Variants in RBFOX1 observed in about 807,000 individuals in gnomAD.
The protein encoded by RBFOX1 is RNA binding fox-1 homolog 1.
In RBFOX1, 8 loss-of-function variants were observed where a neutral mutation model predicts 57.7. The ratio of observed to expected loss-of-function variants is 0.14; its 90% CI spans 0.08 to 0.25. The LOEUF is 0.25. Among genes scored for constraint, RBFOX1 ranks in the 10% least tolerant of loss-of-function variants. RBFOX1 has a pLI of 1.00. For synonymous variants in RBFOX1, 326 were observed against 222.4 expected (o/e 1.47, Z -4.15); for missense variants, 611 against 548.5 (o/e 1.11, Z -1.14).
At chr16:6,943,226 C>T (rs187819298) in intron 3 of RBFOX1, among the ~76,000 whole-genome samples, 15 of 152,260 alleles carry the variant, frequency 9.9e-5, no homozygotes, top group African/African-American at 3.1e-4. Flanking sequence ...GGTTATAGAG[C>T]CCTCAAGAGA....
intron 15 of RBFOX1, chr16:7,710,233 G>T (rs1335600393): frequency 5.7e-6 from 6 of 1,057,232 alleles, no homozygotes; most frequent in Non-Finnish European, 6.8e-6. Flanking sequence ...CAACAACTCT[G>T]CTTCAACACC....
chr16:6,625,118 T>C (rs1167281421), intron 2 of RBFOX1, among the ~76,000 whole-genome samples: 1 of 125,152 alleles, frequency 8.0e-6, no homozygotes, highest in African/African-American at 3.1e-5. Context: ...TGAGTCAAGA[T>C]CGTGCCATTG....
At chr16:7,463,043 T>C (rs1005346968) in intron 4 of RBFOX1, among the ~76,000 whole-genome samples, 1 of 152,196 alleles carries the variant, frequency 6.6e-6, no homozygotes, top group Non-Finnish European at 1.5e-5. Context: ...GGTTGGCTTA[T>C]CAACAACAGA....
intron 4 of RBFOX1, among the ~76,000 whole-genome samples, chr16:7,416,688 A>T (rs1457414165): frequency 1.3e-5 from 2 of 152,122 alleles, no homozygotes; most frequent in Non-Finnish European, 2.9e-5. Context: ...TTAATCTCTG[A>T]GAAAATATTA....
At chr16:5,328,353 C>A (rs1035659438) in intron 1 of RBFOX1, among the ~76,000 whole-genome samples, 1 of 152,186 alleles carries the variant, frequency 6.6e-6, no homozygotes, top group East Asian at 1.9e-4. Context: ...AGCCAGGAGA[C>A]GCTCTGACCT....
At chr16:6,671,926 G>C (rs1192317475) in intron 3 of RBFOX1, among the ~76,000 whole-genome samples, 1 of 152,180 alleles carries the variant, frequency 6.6e-6, no homozygotes, top group Non-Finnish European at 1.5e-5. Context: ...TTTAAAAACT[G>C]TTGCGACTAC....
At chr16:6,566,817 A>G (rs549792368) in intron 2 of RBFOX1, among the ~76,000 whole-genome samples, 24 of 152,328 alleles carry the variant, frequency 1.6e-4, no homozygotes, top group Admixed American at 3.9e-4. Context: ...CAGCGTTTTT[A>G]TCTGCAGTAG....
intron 3 of RBFOX1, among the ~76,000 whole-genome samples, chr16:6,818,073 T>C (rs2090493515): frequency 6.6e-6 from 1 of 152,200 alleles, no homozygotes; most frequent in Non-Finnish European, 1.5e-5. Flanking sequence ...CTATCTTAGA[T>C]GTCATGATGT....
intron 3 of RBFOX1, among the ~76,000 whole-genome samples, chr16:6,674,201 A>C (rs1377747721): frequency 6.6e-6 from 1 of 152,136 alleles, no homozygotes; most frequent in Non-Finnish European, 1.5e-5. Context: ...TCCCACCCCC[A>C]TACCTGTGAA....
At position 6,701,481 on chromosome 16, in the gene RBFOX1, T is replaced by C. The variant is rs771918524; in HGVS notation, c.-16+46831T>C. Among the ~76,000 whole-genome samples the C allele has an allele frequency of 1.1e-4, 16 of 152,190 alleles. 2 individuals are homozygous for C. Among genetic ancestry groups the C allele is most frequent in the Non-Finnish European group, 1.5e-4 (10 of 68,032 alleles). On this transcript the variant is annotated intron_variant, in intron 3 of 15. Transcript: ENST00000550418. ...AAAGAAGAAAGGTTTATTTGACTCTTAGTTATGTAGGTTGTACAAGCATGG... is the reference window on the plus strand; with the variant it reads ...AAAGAAGAAAGGTTTATTTGACTCTCAGTTATGTAGGTTGTACAAGCATGG...
At chr16:5,982,499 C>G (rs577438274) in intron 4 of RBFOX1, among the ~76,000 whole-genome samples, 1 of 152,276 alleles carries the variant, frequency 6.6e-6, no homozygotes, top group South Asian at 2.1e-4. Flanking sequence ...TGGTCTTGAA[C>G]TCCTGACCTC....
At chr16:6,775,169 C>CAAAA (rs74584596) in intron 3 of RBFOX1, among the ~76,000 whole-genome samples, 2 of 84,102 alleles carry the variant, frequency 2.4e-5, no homozygotes, top group African/African-American at 3.5e-5. Flanking sequence ...ACTAAAAGTA[C>CAAAA]AAAAAAAAAA....
At chr16:6,085,178 T>A (rs901962407) in intron 1 of RBFOX1, among the ~76,000 whole-genome samples, 5 of 152,174 alleles carry the variant, frequency 3.3e-5, no homozygotes, top group Non-Finnish European at 7.3e-5. Flanking sequence ...GATCCAGACC[T>A]CTCCTCCTGG....
At chr16:5,540,656 G>T (rs538010462) in intron 2 of RBFOX1, among the ~76,000 whole-genome samples, 5 of 152,226 alleles carry the variant, frequency 3.3e-5, no homozygotes, top group African/African-American at 2.4e-5. Context: ...TTCTGGGTCT[G>T]ATCTCAGATT....
At chr16:5,299,176 C>T (rs544415752) in intron 1 of RBFOX1, among the ~76,000 whole-genome samples, 10 of 152,094 alleles carry the variant, frequency 6.6e-5, no homozygotes, top group South Asian at 4.1e-4. Context: ...TAAATGGAAT[C>T]ATATGCTATG....
intron 3 of RBFOX1, among the ~76,000 whole-genome samples, chr16:5,690,031 G>A (rs954166498): frequency 6.6e-6 from 1 of 152,224 alleles, no homozygotes; most frequent in African/African-American, 2.4e-5. Context: ...GAAAAGACCT[G>A]AGTGTGCTGG....
chr16:7,417,033 T>C (rs983848772), intron 4 of RBFOX1, among the ~76,000 whole-genome samples: 5 of 152,110 alleles, frequency 3.3e-5, no homozygotes, highest in Non-Finnish European at 7.3e-5. Flanking sequence ...AAATTTTTTT[T>C]AAATGATTGA....
chr16:5,998,800 C>T (rs1451679379), intron 4 of RBFOX1, among the ~76,000 whole-genome samples: 1 of 152,142 alleles, frequency 6.6e-6, no homozygotes, highest in Non-Finnish European at 1.5e-5. Context: ...TTCTTGGCAC[C>T]CACATCAGAT....
intron 3 of RBFOX1, among the ~76,000 whole-genome samples, chr16:5,815,156 A>ATTTTTTTTTTTT (rs71142650): frequency 1.8e-5 from 2 of 114,222 alleles, no homozygotes; most frequent in Non-Finnish European, 3.4e-5. Context: ...ATTTAATTTA[A>ATTTTTTTTTTTT]TTTTTTTTTT....
Sources: gnomAD v4.1 joint callset for allele counts (sites outside exome capture counted in the v4.1 genomes callset) on GRCh38, gnomAD v4.1.1 for gene constraint, MANE v1.5 for transcripts, NCBI Gene and HGNC (gene_info 2026-07-23, HGNC 2026-07-21) for gene names.